ANXA10: variants seen among roughly 807,000 people sequenced by gnomAD.
ANXA10 encodes annexin 14.
Under a neutral mutation model 53.5 loss-of-function variants are expected in ANXA10, and 49 were observed. The ratio of observed to expected loss-of-function variants is 0.92; its 90% CI spans 0.73 to 1.16. ANXA10 has a LOEUF of 1.16. Ranked by LOEUF, ANXA10 falls within the 50% of genes most tolerant of loss-of-function variation. The probability of loss-of-function intolerance (pLI) is 0.00; values close to 1 mark genes in which losing one functional copy is unlikely to be tolerated. For synonymous variants in ANXA10, 131 were observed against 128.9 expected (o/e 1.02, Z -0.11); for missense variants, 393 against 394.4 (o/e 1.00, Z 0.03).
intron 3 of ANXA10, among the ~76,000 whole-genome samples, chr4:168,156,288 T>TTATATATAATAGTA (rs1560784668): frequency 5.4e-5 from 1 of 18,652 alleles, no homozygotes; most frequent in African/African-American, 1.8e-4. Context: ...ATAGTATATA[T>TTATATATAATAGTA]TATATTATAT....
chr4:168,096,926 A>ATATATATATATATATATGTATG (rs371811709), intron 1 of ANXA10, among the ~76,000 whole-genome samples: 6 of 129,902 alleles, frequency 4.6e-5, no homozygotes, highest in Non-Finnish European at 9.7e-5. Flanking sequence ...ATATATATAT[A>ATATATATATATATATATGTATG]TATGTATGTA....
At chr4:168,143,248 C>T (rs1299630702) in intron 3 of ANXA10, among the ~76,000 whole-genome samples, 3 of 152,170 alleles carry the variant, frequency 2.0e-5, no homozygotes, top group African/African-American at 7.2e-5. Context: ...GTATCTCCTG[C>T]TACTTTTCCC....
chr4:168,096,553 T>C (rs1045056052), intron 1 of ANXA10, among the ~76,000 whole-genome samples: 1 of 152,096 alleles, frequency 6.6e-6, no homozygotes, highest in African/African-American at 2.4e-5. Flanking sequence ...ATCTAGGGGC[T>C]GGGCAAACAT....
intron 3 of ANXA10, among the ~76,000 whole-genome samples, chr4:168,156,184 TATATATTATATATA>T (rs1283789858): frequency 0.017 from 216 of 12,492 alleles, 7 homozygotes; most frequent in African/African-American, 0.069. Flanking sequence ...TATTATATAT[TATATATTATATATA>T]ATATATATTA....
intron 10 of ANXA10, among the ~76,000 whole-genome samples, chr4:168,183,024 A>T (rs866437475): frequency 6.7e-6 from 1 of 149,174 alleles, no homozygotes; most frequent in Non-Finnish European, 1.5e-5. Context: ...AAAAAAAAAA[A>T]AAAAAGAAAA....
chr4:168,177,656 T>C (rs2149480699), intron 6 of ANXA10, 84 bp from the exon 7 acceptor site: 1 of 1,358,092 alleles, frequency 7.4e-7, no homozygotes, highest in Admixed American at 1.7e-5. Context: ...AATCAGAATG[T>C]TTTTCAAGGA....
intron 1 of ANXA10, among the ~76,000 whole-genome samples, chr4:168,110,047 A>G (rs1371363249): frequency 6.6e-6 from 1 of 152,082 alleles, no homozygotes; most frequent in Non-Finnish European, 1.5e-5. Context: ...CGTCTCTACT[A>G]AAAATACAAA....
intron 1 of ANXA10, among the ~76,000 whole-genome samples, chr4:168,106,754 T>C (rs1480586593): frequency 6.6e-6 from 1 of 152,170 alleles, no homozygotes; most frequent in Non-Finnish European, 1.5e-5. Flanking sequence ...ATTTTCTGGC[T>C]GTGCTTTATT....
chr4:168,154,412 T>G (rs1224145654), intron 3 of ANXA10, among the ~76,000 whole-genome samples: 1 of 152,142 alleles, frequency 6.6e-6, no homozygotes, highest in African/African-American at 2.4e-5. Flanking sequence ...CATGTCCTGA[T>G]AGACTTTTGG....
At chr4:168,135,791 C>T (rs1731227738) in intron 2 of ANXA10, among the ~76,000 whole-genome samples, 1 of 152,152 alleles carries the variant, frequency 6.6e-6, no homozygotes, top group South Asian at 2.1e-4. Context: ...CTCCTCCCTC[C>T]TTAATATATG....
intron 1 of ANXA10, among the ~76,000 whole-genome samples, chr4:168,111,398 T>C (rs1302349678): frequency 6.6e-6 from 1 of 152,128 alleles, no homozygotes; most frequent in Non-Finnish European, 1.5e-5. Context: ...TTATGTGACA[T>C]GAAAAACATA....
chr4:168,112,354 A>AG (rs2149466520), intron 1 of ANXA10, among the ~76,000 whole-genome samples: 1 of 152,268 alleles, frequency 6.6e-6, no homozygotes, highest in East Asian at 1.9e-4. Context: ...ACAAAAAAAA[A>AG]TATGTAAATG....
intron 1 of ANXA10, among the ~76,000 whole-genome samples, chr4:168,111,157 T>C (rs1465745261): frequency 6.6e-6 from 1 of 152,188 alleles, no homozygotes; most frequent in East Asian, 1.9e-4. Context: ...GTAATACCAT[T>C]TTGTAGAAAT....
intron 3 of ANXA10, among the ~76,000 whole-genome samples, chr4:168,155,792 A>G (rs1056793905): frequency 8.7e-5 from 4 of 46,116 alleles, no homozygotes; most frequent in East Asian, 1.3e-3. Context: ...TATATTATAT[A>G]TAATATATAA....
intron 1 of ANXA10, among the ~76,000 whole-genome samples, chr4:168,109,411 A>G (rs1204907539): frequency 6.6e-6 from 1 of 152,202 alleles, no homozygotes; most frequent in East Asian, 1.9e-4. Context: ...TGTAGCTATT[A>G]CATTTTTTAA....
chr4:168,093,505 A>G (rs1378545657), intron 1 of ANXA10, among the ~76,000 whole-genome samples: 1 of 152,158 alleles, frequency 6.6e-6, no homozygotes, highest in Non-Finnish European at 1.5e-5. Context: ...GGTCTTAGAA[A>G]TTATATACAA....
At chr4:168,167,051 C>T (rs1194470024) in intron 6 of ANXA10, among the ~76,000 whole-genome samples, 1 of 152,098 alleles carries the variant, frequency 6.6e-6, no homozygotes, top group Non-Finnish European at 1.5e-5. Flanking sequence ...TCTATTCTTT[C>T]ATCCTTTTCT....
At chr4:168,127,665 C>G in intron 1 of ANXA10, 4 of 376,512 alleles carry the variant, frequency 1.1e-5, no homozygotes, top group South Asian at 8.1e-5. Flanking sequence ...CAGTAGAGAC[C>G]AACAGATAAA....
chr4:168,156,113 T>TATAAATATAA (rs1731655851), intron 3 of ANXA10, among the ~76,000 whole-genome samples: 1 of 28,416 alleles, frequency 3.5e-5, no homozygotes, highest in Non-Finnish European at 5.6e-5. Flanking sequence ...AAATATTATA[T>TATAAATATAA]TTATTTATAT....
Sources: allele counts gnomAD v4.1 joint callset (sites outside exome capture counted in the v4.1 genomes callset), GRCh38; gene constraint gnomAD v4.1.1; transcripts MANE v1.5; gene names NCBI Gene and HGNC (gene_info 2026-07-23, HGNC 2026-07-21).